Variants in CSMD2 observed in about 807,000 individuals in gnomAD.
CSMD2 encodes the protein CUB and Sushi multiple domains 2, also known as CUB and sushi domain-containing protein 2.
A neutral mutation model predicts 398.5 loss-of-function variants in CSMD2; 130 were observed. That is an observed-to-expected ratio of 0.33 (90% CI 0.28 to 0.38). The LOEUF (loss-of-function observed/expected upper bound fraction) is 0.38. Among genes scored for constraint, CSMD2 ranks in the 10% least tolerant of loss-of-function variants. The pLI, the probability that CSMD2 is intolerant of heterozygous loss-of-function variation, is 1.00. For missense variants in CSMD2, 3,829 were observed against 4,764.9 expected (o/e 0.80, Z 5.78); for synonymous variants, 1,828 against 1,908.5 (o/e 0.96, Z 1.10).
rs559176340 is a variant in CSMD2, at chr1:34,007,109, C to A, written c.517+25485G>T. On this transcript the variant is annotated intron_variant, in intron 3 of 70. Coordinates refer to ENST00000373381, the MANE Select transcript of CSMD2 (RefSeq NM_001281956.2). ...AAAGGACCTTTATTTAAGTCGAAGT[C>A]CAGAATTGCATCCAAGATGATAAGC... Among the ~76,000 whole-genome samples the A allele has an allele frequency of 6.2e-4, 94 of 152,210 alleles. 1 individual carries two copies. Among genetic ancestry groups the A allele is most frequent in the Non-Finnish European group, 1.1e-3 (78 of 68,018 alleles).
At chr1:33,593,481 C>CATGG in intron 44 of CSMD2, among the ~76,000 whole-genome samples, 1 of 152,310 alleles carries the variant, frequency 6.6e-6, no homozygotes, top group East Asian at 1.9e-4. Flanking sequence ...GCATGTCTCA[C>CATGG]ATGGTGGCAG....
Position 34,126,837 on chromosome 1 carries a change from C to G in CSMD2, c.188-37644G>C, listed in dbSNP as rs553743405. 8.7e-5 allele frequency among the ~76,000 whole-genome samples: 13 copies of G among 149,794 alleles called. No homozygotes were observed. In the South Asian group the frequency reaches 2.1e-3, roughly 25 times the overall value. On this transcript the variant is annotated intron_variant, in intron 1 of 70. Transcript: ENST00000373381. ...AGAGAGACATAGATGGGGAGAGAGA[C>G]GGGCAGGGGAGGGAATAGGGACACA...
chr1:33,541,454 G>T, intron 58 of CSMD2, 145 bp from the exon 59 acceptor site: 1 of 662,740 alleles, frequency 1.5e-6, no homozygotes. Context: ...ATCCCAGTTG[G>T]ACATTACCCA....
chr1:34,048,998 G>T (rs188112868), intron 2 of CSMD2, among the ~76,000 whole-genome samples: 2 of 152,252 alleles, frequency 1.3e-5, no homozygotes, highest in Admixed American at 1.3e-4. Flanking sequence ...CAGAACCATG[G>T]TTCCTTCTCC....
chr1:33,680,148 C>CTTTTTTT (rs34735969), intron 25 of CSMD2, among the ~76,000 whole-genome samples: 1 of 88,536 alleles, frequency 1.1e-5, no homozygotes, highest in Non-Finnish European at 2.1e-5. Flanking sequence ...ATGGCCTCGC[C>CTTTTTTT]TTTTTTTTTT....
chr1:34,029,863 T>C (rs12049153), intron 3 of CSMD2, among the ~76,000 whole-genome samples: 16,348 of 152,286 alleles, frequency 0.11, 1,290 homozygotes, highest in East Asian at 0.33. Context: ...GACATCATTA[T>C]GTGGCTGAGG....
At chr1:33,538,482 G>A (rs576058161) in intron 60 of CSMD2, among the ~76,000 whole-genome samples, 16 of 152,302 alleles carry the variant, frequency 1.1e-4, no homozygotes, top group African/African-American at 3.8e-4. Flanking sequence ...GTGCGTGTGT[G>A]TGTGTGTGTC....
intron 40 of CSMD2, among the ~76,000 whole-genome samples, chr1:33,613,529 A>G (rs534215314): frequency 6.6e-6 from 1 of 152,294 alleles, no homozygotes; most frequent in African/African-American, 2.4e-5. Context: ...TCAGAGGGCC[A>G]CCAAGCTCTC....
chr1:33,659,508 T>C (rs1644058774), intron 26 of CSMD2, among the ~76,000 whole-genome samples: 1 of 152,258 alleles, frequency 6.6e-6, no homozygotes, highest in South Asian at 2.1e-4. Context: ...TTCTCAACAA[T>C]TTAAGGAAAA....
intron 37 of CSMD2, among the ~76,000 whole-genome samples, chr1:33,618,236 C>T (rs1019869086): frequency 3.3e-5 from 5 of 152,182 alleles, no homozygotes; most frequent in Admixed American, 2.6e-4. Flanking sequence ...TGGCCTCTCA[C>T]ACTTCAACTC....
intron 5 of CSMD2, among the ~76,000 whole-genome samples, chr1:33,874,052 T>C (rs1570356694): frequency 6.6e-6 from 1 of 152,212 alleles, no homozygotes; most frequent in Non-Finnish European, 1.5e-5. Flanking sequence ...GTTCCCATAA[T>C]AGCTTATGTA....
intron 2 of CSMD2, among the ~76,000 whole-genome samples, chr1:34,080,479 C>G (rs1656945871): frequency 6.6e-6 from 1 of 151,938 alleles, no homozygotes; most frequent in African/African-American, 2.4e-5. Context: ...CAGAGGGAAA[C>G]AAGTCAACAA....
chr1:33,784,524 G>T (rs1051443911), intron 12 of CSMD2, among the ~76,000 whole-genome samples: 3 of 152,198 alleles, frequency 2.0e-5, no homozygotes, highest in Admixed American at 6.5e-5. Context: ...GCACTGTGAG[G>T]CCTCCAGGCT....
At chr1:33,778,116 C>T (rs182902381) in intron 12 of CSMD2, among the ~76,000 whole-genome samples, 17 of 152,266 alleles carry the variant, frequency 1.1e-4, no homozygotes, top group Admixed American at 4.6e-4. Flanking sequence ...ACAATGTTAC[C>T]TCCTCCAAGA....
chr1:33,519,587 G>A lies in CSMD2; in HGVS notation c.10827C>T (p.Asn3609=), dbSNP rs750745887. The A allele has an allele frequency of 2.5e-6, 4 of 1,614,138 alleles. No homozygotes were observed. The highest frequency in any genetic ancestry group is 3.3e-5 in the Admixed American group (2 of 60,018). ...TGGCCATGATGTCTGTGGGCTGGAT[G>A]TTGCGGTCGTACATTGGGTTCTCAA... is the stretch of plus-strand genomic sequence containing the variant. The part of the protein sequence containing the change: ...ATFENPMYDR[N]IQPTDIMASE... Residue 3609 remains asparagine (N), a synonymous_variant, in exon 70 of 71, where the codon AAC becomes AAT. Coordinates refer to ENST00000373381, the MANE Select transcript of CSMD2 (RefSeq NM_001281956.2). The surrounding 1 kb of genome is among the most constrained non-coding windows in gnomAD (Gnocchi z 5.6).
intron 4 of CSMD2, among the ~76,000 whole-genome samples, chr1:33,923,401 C>T (rs537835653): frequency 7.9e-4 from 120 of 152,232 alleles, no homozygotes; most frequent in African/African-American, 2.8e-3. Flanking sequence ...CTTCACCTTC[C>T]GCCATGAGTA....
intron 68 of CSMD2, among the ~76,000 whole-genome samples, chr1:33,520,806 G>T (rs867300250): frequency 4.6e-4 from 70 of 152,246 alleles, no homozygotes; most frequent in African/African-American, 1.6e-3. Flanking sequence ...GTACAGAGAG[G>T]CTGTCACGCA....
At chr1:33,599,933 T>TAGCAGATACTGC (rs1267466943) in intron 44 of CSMD2, 4 of 579,800 alleles carry the variant, frequency 6.9e-6, no homozygotes, top group East Asian at 2.8e-5. Flanking sequence ...GCAGATACTG[T>TAGCAGATACTGC]AGCAGATACT....
intron 2 of CSMD2, among the ~76,000 whole-genome samples, chr1:34,068,910 T>C (rs901743679): frequency 2.6e-5 from 4 of 152,242 alleles, no homozygotes; most frequent in Admixed American, 6.5e-5. Context: ...CCTTGCCGTC[T>C]GCCATTATTG....
Sources: allele counts gnomAD v4.1 joint callset (sites outside exome capture counted in the v4.1 genomes callset), GRCh38; gene constraint gnomAD v4.1.1; non-coding constraint Gnocchi (gnomAD v3.1); transcripts MANE v1.5; gene names NCBI Gene and HGNC (gene_info 2026-07-23, HGNC 2026-07-21).